Variants in ATP5PB observed in about 807,000 individuals in gnomAD.
ATP5PB encodes the protein ATP synthase peripheral stalk-membrane subunit b.
A neutral mutation model predicts 34.5 loss-of-function variants in ATP5PB; 21 were observed. That is an observed-to-expected ratio of 0.61 (90% CI 0.43 to 0.88). The LOEUF (loss-of-function observed/expected upper bound fraction) is 0.88. ATP5PB is among the 40% of genes least tolerant of loss of function. The pLI is 0.00. For synonymous variants in ATP5PB, 108 were observed against 114.1 expected (o/e 0.95, Z 0.34); for missense variants, 293 against 317.4 (o/e 0.92, Z 0.58).
chr1:111,456,887 G>A (rs1376035429), intron 5 of ATP5PB, 132 bp downstream of exon 5: 1 of 1,169,746 alleles, frequency 8.5e-7, no homozygotes, highest in Non-Finnish European at 1.1e-6. Context: ...TTGTGTAGGA[G>A]TTGGCATTCA....
intron 5 of ATP5PB, among the ~76,000 whole-genome samples, chr1:111,458,277 G>A (rs886606512): frequency 7.9e-5 from 12 of 152,148 alleles, no homozygotes; most frequent in Admixed American, 2.6e-4. Flanking sequence ...AGGCCAAGGC[G>A]GGAGGATCAC....
At chr1:111,455,233 TC>T (rs1653439804) in intron 3 of ATP5PB, among the ~76,000 whole-genome samples, 1 of 152,180 alleles carries the variant, frequency 6.6e-6, no homozygotes, top group Admixed American at 6.5e-5. Flanking sequence ...TCCTCAGACG[TC>T]CATAGGTGAT....
chr1:111,456,151 G>A lies in ATP5PB; in HGVS notation c.289G>A (p.Ala97Thr), dbSNP rs774610006. The A allele has an allele frequency of 2.7e-5, 43 of 1,612,404 alleles. No individual in the cohort carries two copies. The highest frequency in any genetic ancestry group is 5.3e-5 in the African/African-American group (4 of 74,858). ...ALSKEIYVIS[A>T]ETFTALSVLG... ...ATCCAAAGAAATATATGTGATTAGC[G>A]CAGAGACCTTCACTGCCCTATCAGT... Residue 97 changes from alanine (A) to threonine (T), a missense_variant, in exon 4 of 7, where the codon GCA becomes ACA. By Grantham distance (58) the Ala-to-Thr change is moderately conservative. Coordinates refer to ENST00000369722, the MANE Select transcript of ATP5PB (RefSeq NM_001688.5).
chr1:111,451,589 A>C (rs1198053108), intron 2 of ATP5PB, among the ~76,000 whole-genome samples: 1 of 152,184 alleles, frequency 6.6e-6, no homozygotes, highest in Non-Finnish European at 1.5e-5. Flanking sequence ...TGATTAAAAG[A>C]ATGAATGTTA....
rs778130788 is a variant in ATP5PB, at chr1:111,449,858, C to G, written c.62C>G (p.Ala21Gly). 1 of 1,614,072 alleles carries G rather than the reference C, an allele frequency of 6.2e-7. No individual in the cohort carries two copies. The highest frequency in any genetic ancestry group is 1.7e-5 in the Admixed American group (1 of 60,006). Residue 21 changes from alanine (A) to glycine (G), a missense_variant, in exon 2 of 7, where the codon GCC becomes GGC. Coordinates refer to ENST00000369722, the MANE Select transcript of ATP5PB (RefSeq NM_001688.5). ...ATAAPSLKNA[A>G]FLGPGVLQAT... ...GCAGCCCCCTCTCTGAAGAATGCAG[C>G]CTTCCTAGGTCCAGGGTAAGTGTGA...
intron 2 of ATP5PB, 30 bp from the exon 3 acceptor site, chr1:111,454,181 G>C (rs755383616): frequency 2.0e-6 from 3 of 1,531,318 alleles, no homozygotes; most frequent in African/African-American, 1.4e-5. Flanking sequence ...AAAGAAACAG[G>C]CTTTACATTT....
At chr1:111,455,235 C>A in intron 3 of ATP5PB, among the ~76,000 whole-genome samples, 1 of 152,028 alleles carries the variant, frequency 6.6e-6, no homozygotes, top group Admixed American at 6.5e-5. Flanking sequence ...CTCAGACGTC[C>A]ATAGGTGATA....
intron 3 of ATP5PB, 104 bp downstream of exon 3, chr1:111,454,460 T>C (rs1015388368): frequency 7.0e-7 from 1 of 1,426,006 alleles, no homozygotes; most frequent in African/African-American, 1.5e-5. Context: ...GTTGTTGTTG[T>C]TGTTGTTGTT....
rs532728250 is a variant in ATP5PB at position 111,460,436 on chromosome 1, G to GT, written c.694-465dup. On this transcript the variant is annotated intron_variant, in intron 6 of 6. Transcript: ENST00000369722. ...GATTAGAAAAACAGTGTCTATCAAA[G>GT]TTTTTTTTTTTTTTTTGATAAACTT... Among the ~76,000 whole-genome samples the GT allele has an allele frequency of 5.1e-3, 645 of 125,786 alleles. 2 individuals are homozygous for GT. The highest frequency in any genetic ancestry group is 9.5e-3 in the Middle Eastern group (2 of 210). 82.5% of individuals were successfully genotyped at this position (125,786 alleles called of 152,430 possible).
Position 111,456,305 on chromosome 1 carries a change from C to G in ATP5PB, c.387+56C>G, listed in dbSNP as rs577689164. The G allele has an allele frequency of 2.5e-4, 371 of 1,466,634 alleles. 2 individuals carry two copies. The East Asian group carries it at 5.8e-3, about 23-fold the overall frequency. The allele number at this position is 1,466,634 out of a possible 1,614,324, so 90.9% of individuals were successfully genotyped here. ...AGACTAGCAGAAACATGAAGGTCATCTAGTGATATTTTTGATATGAGTGTT... is the reference window on the plus strand; with the variant it reads ...AGACTAGCAGAAACATGAAGGTCATGTAGTGATATTTTTGATATGAGTGTT... On this transcript the variant is annotated intron_variant, in intron 4 of 6. Coordinates refer to ENST00000369722, the MANE Select transcript of ATP5PB (RefSeq NM_001688.5).
intron 2 of ATP5PB, among the ~76,000 whole-genome samples, chr1:111,452,283 A>C (rs1034502023): frequency 1.3e-5 from 2 of 152,198 alleles, no homozygotes; most frequent in African/African-American, 4.8e-5. Context: ...AATAAGAAGC[A>C]GAGGCCAGGT....
intron 2 of ATP5PB, among the ~76,000 whole-genome samples, chr1:111,453,705 T>C (rs1038393558): frequency 1.3e-5 from 2 of 152,240 alleles, no homozygotes; most frequent in African/African-American, 4.8e-5. Context: ...ACCACTTACG[T>C]AGAACTTTTC....
In ATP5PB at chr1:111,449,522, T is replaced by A. The variant is rs1445130844; in HGVS notation, c.-20T>A. 1 of 1,614,104 alleles carries A rather than the reference T, an allele frequency of 6.2e-7. No individual in the cohort carries two copies. Among genetic ancestry groups the A allele is most frequent in the Non-Finnish European group, 8.5e-7 (1 of 1,179,990 alleles). Reference sequence around the variant, plus strand: ...GGGGTCACAGGGACGCTAAGATTGCTACCTGGACTTTCGTTGACCATGCTG... The same window carrying A: ...GGGGTCACAGGGACGCTAAGATTGCAACCTGGACTTTCGTTGACCATGCTG... On this transcript the variant is annotated 5_prime_UTR_variant, in exon 1 of 7. Transcript: ENST00000369722.
rs781646701 is a variant in ATP5PB, at chr1:111,449,573, C to T, written c.32C>T (p.Ala11Val). The change falls in exon 1 of 7, where the codon GCC (alanine) becomes GTC (valine). Residue 11 changes from alanine to valine, a missense_variant. Physicochemically the swap from Ala to Val is moderately conservative, Grantham distance 64. Transcript: ENST00000369722. The part of the protein sequence containing the change: MLSRVVLSAA[A>V]TAAPSLKNAA... ...TCCCGGGTGGTACTTTCCGCCGCCG[C>T]CACAGCGGGTAAGGGGTATAGACCC... 6.2e-7 allele frequency: 1 copy of T among 1,609,168 alleles called. No homozygotes were observed. Among genetic ancestry groups the T allele is most frequent in the Admixed American group, 1.7e-5 (1 of 59,526 alleles).
rs755296490 is a variant in ATP5PB at position 111,460,861 on chromosome 1, C to G, written c.694-56C>G. 2.0e-6 allele frequency: 3 copies of G among 1,512,224 alleles called. No individual in the cohort carries two copies. In the East Asian group the frequency reaches 6.8e-5, roughly 34 times the overall value. The allele number at this position is 1,512,224 out of a possible 1,614,324, so 93.7% of individuals were successfully genotyped here. On this transcript the variant is annotated intron_variant, in intron 6 of 6. Transcript: ENST00000369722. ...CTTTTAGAATAATGGTGTTTATACT[C>G]TATACTTTTCTATGTTTTGGAAAGG...
chr1:111,449,957 A>T, intron 2 of ATP5PB, 84 bp downstream of exon 2: 1 of 1,567,052 alleles, frequency 6.4e-7, no homozygotes, highest in Admixed American at 1.7e-5. Flanking sequence ...CCTTAGCTTT[A>T]GGTCAGAAAT....
At chr1:111,457,772 A>T (rs1201238593) in intron 5 of ATP5PB, among the ~76,000 whole-genome samples, 4 of 152,188 alleles carry the variant, frequency 2.6e-5, no homozygotes, top group Non-Finnish European at 5.9e-5. Flanking sequence ...TATTATTTTA[A>T]ACAAGATCCC....
intron 2 of ATP5PB, among the ~76,000 whole-genome samples, chr1:111,452,388 G>A (rs1166725349): frequency 6.8e-5 from 7 of 102,500 alleles, no homozygotes; most frequent in Non-Finnish European, 1.3e-4. Context: ...GCAAAACCCC[G>A]TCTCTCCTAA....
chr1:111,461,213 C>G lies in ATP5PB; in HGVS notation c.*219C>G. On this transcript the variant is annotated 3_prime_UTR_variant, in exon 7 of 7. Coordinates refer to ENST00000369722, the MANE Select transcript of ATP5PB (RefSeq NM_001688.5). ...CTGCCTTTGAGTTGTTCCGTGATCA[C>G]TTCTGAATAAGCAGTTTGCCTTTAT... The G allele has an allele frequency of 2.5e-6, 1 of 406,278 alleles. No homozygotes were observed. The highest frequency in any genetic ancestry group is 4.5e-6 in the Non-Finnish European group (1 of 220,476). The allele number at this position is 406,278 out of a possible 1,614,324, so 25.2% of individuals were successfully genotyped here.
Sources: allele counts gnomAD v4.1 joint callset (sites outside exome capture counted in the v4.1 genomes callset), GRCh38; gene constraint gnomAD v4.1.1; transcripts MANE v1.5; gene names NCBI Gene and HGNC (gene_info 2026-07-23, HGNC 2026-07-21).